The following ZDHHC3 variants were observed in gnomAD, a reference collection of about 807,000 sequenced individuals.
ZDHHC3 encodes palmitoyltransferase ZDHHC3.
ZDHHC3 carries 9 observed loss-of-function variants against 30.6 expected under a neutral mutation model. That is an observed-to-expected ratio of 0.29 (90% CI 0.18 to 0.51). The LOEUF (loss-of-function observed/expected upper bound fraction) is 0.51. Ranked by LOEUF, ZDHHC3 falls within the 20% of genes least tolerant of loss-of-function variation. The pLI is 0.97. For missense variants in ZDHHC3, 246 were observed against 384.2 expected (o/e 0.64, Z 3.01); for synonymous variants, 136 against 140.2 (o/e 0.97, Z 0.21).
rs747801479 is a variant in ZDHHC3 at position 44,922,527 on chromosome 3, G to A, written c.*4162C>T. 80 of 985,404 alleles carry A rather than the reference G, an allele frequency of 8.1e-5. No individual in the cohort carries two copies. Among genetic ancestry groups the A allele is most frequent in the Non-Finnish European group, 9.4e-5 (78 of 829,926 alleles). The allele number at this position is 985,404 out of a possible 1,614,324, so 61.0% of individuals were successfully genotyped here. On this transcript the variant is annotated 3_prime_UTR_variant, in exon 7 of 7. Coordinates refer to ENST00000424952, the MANE Select transcript of ZDHHC3 (RefSeq NM_001135179.2). ...GCTTATGAGGGAAGGCAGTCTCAGT[G>A]GCTTCTCCGCGGAGGGAACACGTGC...
At position 44,976,075 on chromosome 3, in the gene ZDHHC3, C is replaced by T. The variant is rs1264028373; in HGVS notation, c.-167G>A. On this transcript the variant is annotated 5_prime_UTR_variant, in exon 1 of 7. Transcript: ENST00000424952. ...CCTCGGAACGAGGCGCCGCGGCTCT[C>T]TGGACTCGGCCAGACACCGGGCGGC... 2.3e-6 allele frequency: 1 copy of T among 425,876 alleles called. No homozygotes were observed. Among genetic ancestry groups the T allele is most frequent in the Non-Finnish European group, 4.1e-6 (1 of 245,286 alleles). The allele number at this position is 425,876 out of a possible 1,614,324, so 26.4% of individuals were successfully genotyped here.
Position 44,923,621 on chromosome 3 carries a change from G to A in ZDHHC3, c.*3068C>T, listed in dbSNP as rs888151754. On this transcript the variant is annotated 3_prime_UTR_variant, in exon 7 of 7. Transcript: ENST00000424952. ...ATTTGAGACTAGCTAGGGCAACACA[G>A]TGAGACCCTGACTCTATTAAAAAAC... is the stretch of plus-strand genomic sequence containing the variant. 6.8e-6 allele frequency: 6 copies of A among 886,138 alleles called. No homozygotes were observed. Among genetic ancestry groups the A allele is most frequent in the African/African-American group, 5.4e-5 (3 of 55,138 alleles). The allele number at this position is 886,138 out of a possible 1,614,324, so 54.9% of individuals were successfully genotyped here. A position where few individuals can be genotyped will look rare whatever the true frequency, so the allele number is the denominator to read the frequency against.
intron 1 of ZDHHC3, among the ~76,000 whole-genome samples, chr3:44,967,976 C>T (rs1705095063): frequency 6.6e-6 from 1 of 152,210 alleles, no homozygotes; most frequent in Non-Finnish European, 1.5e-5. Context: ...CCCAGCATGG[C>T]AGCTTTTATT....
Position 44,925,440 on chromosome 3 carries a change from A to T in ZDHHC3, c.*1249T>A. 1.0e-6 allele frequency: 1 copy of T among 985,500 alleles called. No individual in the cohort carries two copies. The allele number at this position is 985,500 out of a possible 1,614,324, so 61.0% of individuals were successfully genotyped here. A position where few individuals can be genotyped will look rare whatever the true frequency, so the allele number is the denominator to read the frequency against. On this transcript the variant is annotated 3_prime_UTR_variant, in exon 7 of 7. Transcript: ENST00000424952. ...TCATATTTGTTATTTTTGCACTTGG[A>T]GGGCACTCCCTACCTCCTTCACCTC...
chr3:44,941,749 T>C (rs796462760), intron 3 of ZDHHC3, among the ~76,000 whole-genome samples: 2 of 146,098 alleles, frequency 1.4e-5, no homozygotes, highest in African/African-American at 5.1e-5. Context: ...TAACAACAGC[T>C]GATGAGCTAA....
intron 1 of ZDHHC3, among the ~76,000 whole-genome samples, 161 bp downstream of exon 1, chr3:44,975,772 T>TCA (rs1185484134): frequency 0.081 from 9,400 of 116,396 alleles, 441 homozygotes; most frequent in Middle Eastern, 0.13. Flanking sequence ...TCTCTCTCTC[T>TCA]CACACACACA....
intron 1 of ZDHHC3, among the ~76,000 whole-genome samples, chr3:44,966,785 C>T (rs1704987694): frequency 6.6e-6 from 1 of 152,118 alleles, no homozygotes; most frequent in Admixed American, 6.6e-5. Flanking sequence ...TTAGATGAGT[C>T]TCAGAAAAAC....
intron 2 of ZDHHC3, among the ~76,000 whole-genome samples, chr3:44,952,556 G>A (rs1279067639): frequency 6.6e-6 from 1 of 152,164 alleles, no homozygotes; most frequent in South Asian, 2.1e-4. Context: ...TCCTGGGCAG[G>A]GCTCTTGAGG....
At position 44,933,107 on chromosome 3, in the gene ZDHHC3, C is replaced by A; in HGVS notation, c.610+11G>T. 1 of 1,614,134 alleles carries A rather than the reference C, an allele frequency of 6.2e-7. No homozygotes were observed. Among genetic ancestry groups the A allele is most frequent in the East Asian group, 2.2e-5 (1 of 44,888 alleles). ...CCTGGAGCAGGGAGGAAAGCCTCAG[C>A]ACATACTCACTTGTCCAATCTTCTT... is the stretch of plus-strand genomic sequence containing the variant. On this transcript the variant is annotated intron_variant, in intron 5 of 6. Transcript: ENST00000424952.
intron 4 of ZDHHC3, 71 bp from the exon 5 acceptor site, chr3:44,933,270 G>C (rs1701660493): frequency 2.0e-6 from 3 of 1,476,860 alleles, no homozygotes; most frequent in East Asian, 4.5e-5. Flanking sequence ...CCGGGACAGG[G>C]GCACTCAGAA....
In ZDHHC3 at chr3:44,921,190, A is replaced by G. The variant is rs1700564935; in HGVS notation, c.*5499T>C. ...GCTGTGATCTGTGAACAAACTCACC[A>G]ACACTCCAAAATGAATGTATTAGGA... On this transcript the variant is annotated 3_prime_UTR_variant, in exon 7 of 7. Coordinates refer to ENST00000424952, the MANE Select transcript of ZDHHC3 (RefSeq NM_001135179.2). 1.0e-6 allele frequency: 1 copy of G among 984,554 alleles called. No homozygotes were observed. The highest frequency in any genetic ancestry group is 1.2e-6 in the Non-Finnish European group (1 of 829,850). 61.0% of individuals were successfully genotyped at this position (984,554 alleles called of 1,614,324 possible).
intron 1 of ZDHHC3, among the ~76,000 whole-genome samples, chr3:44,962,495 A>AAGGAAGGAAG (rs1704562329): frequency 4.5e-5 from 5 of 112,202 alleles, no homozygotes; most frequent in Admixed American, 3.0e-4. Flanking sequence ...AAAGGGAGAG[A>AAGGAAGGAAG]GAAGGAAGGA....
rs1009473816 is a variant in ZDHHC3 at position 44,918,900 on chromosome 3, C to T, written c.*7789G>A. Reference sequence around the variant, plus strand: ...ACATGGCCAGGCCAGCTCTCCAGGCCCACAACACCCTGCACAGAGGCCTTT... The same window carrying T: ...ACATGGCCAGGCCAGCTCTCCAGGCTCACAACACCCTGCACAGAGGCCTTT... On this transcript the variant is annotated 3_prime_UTR_variant, in exon 7 of 7. Coordinates refer to ENST00000424952, the MANE Select transcript of ZDHHC3 (RefSeq NM_001135179.2). 12 of 985,896 alleles carry T rather than the reference C, an allele frequency of 1.2e-5. No homozygotes were observed. The highest frequency in any genetic ancestry group is 2.3e-4 in the East Asian group (2 of 8,822). The allele number at this position is 985,896 out of a possible 1,614,324, so 61.1% of individuals were successfully genotyped here.
chr3:44,963,106 A>T (rs1000668343), intron 1 of ZDHHC3, among the ~76,000 whole-genome samples: 3 of 152,182 alleles, frequency 2.0e-5, no homozygotes, highest in Admixed American at 1.3e-4. Context: ...CAGGACTGTG[A>T]CCATATTCTG....
chr3:44,964,372 G>C (rs1008883654), intron 1 of ZDHHC3, among the ~76,000 whole-genome samples: 2 of 152,200 alleles, frequency 1.3e-5, no homozygotes, highest in Non-Finnish European at 2.9e-5. Context: ...GGCCGGGTGG[G>C]CCTGGCAGGA....
intron 1 of ZDHHC3, among the ~76,000 whole-genome samples, chr3:44,965,463 C>A (rs771413434): frequency 6.6e-6 from 1 of 152,196 alleles, no homozygotes; most frequent in Non-Finnish European, 1.5e-5. Flanking sequence ...GGTGCTAATG[C>A]CAAGCTCTCA....
chr3:44,962,052 G>A (rs1052652264), intron 1 of ZDHHC3, among the ~76,000 whole-genome samples: 9 of 152,200 alleles, frequency 5.9e-5, no homozygotes, highest in African/African-American at 1.7e-4. Flanking sequence ...GATGGAGATC[G>A]TCAGTTACAA....
At chr3:44,958,528 C>A in intron 2 of ZDHHC3, 2 of 1,440,480 alleles carry the variant, frequency 1.4e-6, no homozygotes, top group Non-Finnish European at 1.9e-6. Flanking sequence ...ACGTGCGCAG[C>A]TTGGCATATT....
chr3:44,923,086 T>TC lies in ZDHHC3; in HGVS notation c.*3602_*3603insG, dbSNP rs1435810589. ...CATACATGTTTAAAATGTTTGTTTT[T>TC]TTTTTTTGAGACGGAGTCTCACTCT... On this transcript the variant is annotated 3_prime_UTR_variant, in exon 7 of 7. Transcript: ENST00000424952. 3.0e-6 allele frequency: 3 copies of TC among 984,526 alleles called. No homozygotes were observed. In the African/African-American group the frequency reaches 5.3e-5, roughly 17 times the overall value. The allele number at this position is 984,526 out of a possible 1,614,324, so 61.0% of individuals were successfully genotyped here.
Sources: allele counts gnomAD v4.1 joint callset (sites outside exome capture counted in the v4.1 genomes callset), GRCh38; gene constraint gnomAD v4.1.1; transcripts MANE v1.5; gene names NCBI Gene and HGNC (gene_info 2026-07-23, HGNC 2026-07-21).